The following CADPS2 variants were observed in gnomAD, a reference collection of about 807,000 sequenced individuals.
CADPS2 encodes the protein calcium dependent secretion activator 2.
CADPS2 carries 93 observed loss-of-function variants against 172.5 expected under a neutral mutation model. That is an observed-to-expected ratio of 0.54 (90% CI 0.46 to 0.64). The LOEUF (loss-of-function observed/expected upper bound fraction) is 0.64. CADPS2 is among the 30% of genes least tolerant of loss of function. The probability of loss-of-function intolerance (pLI) is 0.00; values close to 1 mark genes in which losing one functional copy is unlikely to be tolerated. For missense variants in CADPS2, 1,420 were observed against 1,565.9 expected (o/e 0.91, Z 1.57); for synonymous variants, 546 against 555.2 (o/e 0.98, Z 0.23).
chr7:122,822,901 C>G (rs1167292153), intron 1 of CADPS2, among the ~76,000 whole-genome samples: 1 of 151,978 alleles, frequency 6.6e-6, no homozygotes, highest in African/African-American at 2.4e-5. Context: ...TTCGCTGACT[C>G]TCTTTTCGGA....
chr7:122,590,041 A>G (rs73218231), intron 6 of CADPS2, among the ~76,000 whole-genome samples: 30,632 of 151,660 alleles, frequency 0.2, 3,300 homozygotes, highest in East Asian at 0.38. Flanking sequence ...CACTATGCAA[A>G]ATGACCAGTG....
intron 12 of CADPS2, among the ~76,000 whole-genome samples, chr7:122,479,126 G>C (rs911540075): frequency 2.0e-5 from 3 of 152,114 alleles, no homozygotes; most frequent in African/African-American, 7.2e-5. Context: ...TCTGGTGTCT[G>C]GGAGTGGGAC....
chr7:122,531,985 C>T (rs192726385), intron 8 of CADPS2, among the ~76,000 whole-genome samples: 9 of 150,904 alleles, frequency 6.0e-5, no homozygotes, highest in African/African-American at 1.7e-4. Context: ...GAGCCAAGAT[C>T]GTGCCATTGC....
intron 17 of CADPS2, among the ~76,000 whole-genome samples, chr7:122,429,179 T>C (rs2049564930): frequency 6.6e-6 from 1 of 151,876 alleles, no homozygotes; most frequent in Non-Finnish European, 1.5e-5. Flanking sequence ...AGTGGTGATA[T>C]TTTTGATATA....
intron 17 of CADPS2, among the ~76,000 whole-genome samples, chr7:122,432,417 ATCACCTGAGG>A (rs1318504281): frequency 6.6e-6 from 1 of 152,058 alleles, no homozygotes; most frequent in Admixed American, 6.6e-5. Flanking sequence ...AGGCTGGTGG[ATCACCTGAGG>A]TCAGGAGTTC....
chr7:122,697,443 G>C (rs1258740151), intron 2 of CADPS2, among the ~76,000 whole-genome samples: 1 of 152,022 alleles, frequency 6.6e-6, no homozygotes, highest in Non-Finnish European at 1.5e-5. Flanking sequence ...TTACATATCA[G>C]TAATTTTCTT....
intron 15 of CADPS2, among the ~76,000 whole-genome samples, chr7:122,449,407 C>T (rs1300597138): frequency 6.6e-6 from 1 of 151,986 alleles, no homozygotes; most frequent in African/African-American, 2.4e-5. Flanking sequence ...CATTGACTTC[C>T]CAGGCTCAAG....
chr7:122,775,697 C>T (rs12706445), intron 1 of CADPS2, among the ~76,000 whole-genome samples: 32,745 of 152,036 alleles, frequency 0.22, 3,769 homozygotes, highest in Middle Eastern at 0.31. Flanking sequence ...CCTAATAAAA[C>T]ATGACCATAA....
At chr7:122,381,773 G>C (rs1179878584) in intron 24 of CADPS2, among the ~76,000 whole-genome samples, 1 of 152,040 alleles carries the variant, frequency 6.6e-6, no homozygotes, top group Non-Finnish European at 1.5e-5. Context: ...GGGAGGGAGA[G>C]AAAATGAGAA....
At chr7:122,525,683 A>G (rs1030714751) in intron 8 of CADPS2, among the ~76,000 whole-genome samples, 7 of 152,220 alleles carry the variant, frequency 4.6e-5, no homozygotes, top group African/African-American at 1.7e-4. Context: ...GTAACAGAGT[A>G]GACTTACGTA....
At chr7:122,770,483 C>G (rs2093676290) in intron 1 of CADPS2, among the ~76,000 whole-genome samples, 1 of 152,156 alleles carries the variant, frequency 6.6e-6, no homozygotes, top group Non-Finnish European at 1.5e-5. Context: ...TTACACGTAA[C>G]ACAGTATCTG....
intron 27 of CADPS2, among the ~76,000 whole-genome samples, chr7:122,357,633 A>T (rs760869575): frequency 1.8e-4 from 28 of 152,178 alleles, no homozygotes; most frequent in Non-Finnish European, 3.7e-4. Context: ...GTATTTGAAC[A>T]ATTCAGCCCT....
At chr7:122,748,828 C>T (rs77045439) in intron 1 of CADPS2, among the ~76,000 whole-genome samples, 2 of 151,828 alleles carry the variant, frequency 1.3e-5, no homozygotes, top group Non-Finnish European at 2.9e-5. Flanking sequence ...ATGCTTTTCA[C>T]TGAAAGTAAT....
At chr7:122,624,447 G>C (rs577438708) in intron 4 of CADPS2, among the ~76,000 whole-genome samples, 2 of 152,170 alleles carry the variant, frequency 1.3e-5, no homozygotes, top group East Asian at 1.9e-4. Context: ...GACATCTGGG[G>C]TTCATATCAC....
chr7:122,427,612 T>C (rs1288414529), intron 17 of CADPS2, among the ~76,000 whole-genome samples: 3 of 152,182 alleles, frequency 2.0e-5, no homozygotes, highest in African/African-American at 7.2e-5. Context: ...TTGTCTCCCA[T>C]GTTTGCTATA....
intron 1 of CADPS2, among the ~76,000 whole-genome samples, chr7:122,768,545 G>A (rs1286416410): frequency 3.9e-5 from 6 of 152,078 alleles, no homozygotes; most frequent in Non-Finnish European, 5.9e-5. Flanking sequence ...CTTTAAAACC[G>A]TATCAGACAA....
chr7:122,750,067 A>G (rs2092886844), intron 1 of CADPS2, among the ~76,000 whole-genome samples: 1 of 152,106 alleles, frequency 6.6e-6, no homozygotes, highest in Non-Finnish European at 1.5e-5. Context: ...TCAAGTAATT[A>G]TCAAAGAAAC....
intron 1 of CADPS2, among the ~76,000 whole-genome samples, chr7:122,748,466 G>T (rs1323864786): frequency 1.3e-5 from 2 of 152,150 alleles, no homozygotes; most frequent in Non-Finnish European, 2.9e-5. Flanking sequence ...TATTCCGACA[G>T]CCTCAGGAGC....
intron 7 of CADPS2, among the ~76,000 whole-genome samples, chr7:122,562,276 A>C (rs568339972): frequency 1.3e-5 from 2 of 152,316 alleles, no homozygotes; most frequent in East Asian, 3.9e-4. Flanking sequence ...TCACCTATCC[A>C]GGTGGGCCCA....
Sources: allele counts gnomAD v4.1 joint callset (sites outside exome capture counted in the v4.1 genomes callset), GRCh38; gene constraint gnomAD v4.1.1; transcripts MANE v1.5; gene names NCBI Gene and HGNC (gene_info 2026-07-23, HGNC 2026-07-21).